Variants in CFAP276 observed in about 807,000 individuals in gnomAD.
CFAP276 encodes cilia and flagella associated protein 276, also known as cilia- and flagella-associated protein 276.
At chr1:109,108,345 G>A in the CFAP276 span, among the ~76,000 whole-genome samples, 3 of 152,136 alleles carry the variant, frequency 2.0e-5, no homozygotes, top group African/African-American at 7.2e-5. Flanking sequence ...GTTTCACCAT[G>A]TTGGCCAGGC....
chr1:109,112,742 TGGCATAAGATCCC>T, the CFAP276 span: 49 of 1,537,664 alleles, frequency 3.2e-5, no homozygotes, highest in Non-Finnish European at 4.2e-5. Context: ...ACAGCCTCAC[TGGCATAAGATCCC>T]GGGTCCCAAT....
chr1:109,106,586 G>A, the CFAP276 span: 1 of 1,614,048 alleles, frequency 6.2e-7, no homozygotes. Flanking sequence ...TTGATCCAGT[G>A]TCTGATGTTA....
chr1:109,107,875 AG>A, the CFAP276 span: 11 of 1,444,808 alleles, frequency 7.6e-6, no homozygotes, highest in Admixed American at 4.1e-5. Context: ...AAAAAAAAAA[AG>A]CCCTAAACGG....
At chr1:109,110,375 C>T in the CFAP276 span, among the ~76,000 whole-genome samples, 1 of 152,142 alleles carries the variant, frequency 6.6e-6, no homozygotes, top group Non-Finnish European at 1.5e-5. Flanking sequence ...CCTCAAGCAC[C>T]CCCTAAAACT....
At chr1:109,106,677 G>A in the CFAP276 span, 5 of 1,611,746 alleles carry the variant, frequency 3.1e-6, no homozygotes, top group Non-Finnish European at 4.2e-6. Flanking sequence ...AAGGCATAGG[G>A]AAGAAAAGTG....
At chr1:109,108,437 C>T in the CFAP276 span, among the ~76,000 whole-genome samples, 3 of 152,182 alleles carry the variant, frequency 2.0e-5, no homozygotes, top group Non-Finnish European at 2.9e-5. Context: ...GCCATCATGC[C>T]CGGCCCCATC....
chr1:109,113,720 A>T, the CFAP276 span: 1 of 1,610,696 alleles, frequency 6.2e-7, no homozygotes, highest in Non-Finnish European at 8.5e-7. Flanking sequence ...AACATCGGAG[A>T]TGCTCATAAA....
the CFAP276 span, among the ~76,000 whole-genome samples, chr1:109,109,772 G>A: frequency 6.6e-6 from 1 of 151,922 alleles, no homozygotes; most frequent in African/African-American, 2.4e-5. Flanking sequence ...CCTGACCTCA[G>A]GTGATCCACC....
the CFAP276 span, chr1:109,107,204 C>T: frequency 3.9e-5 from 41 of 1,050,952 alleles, no homozygotes; most frequent in Admixed American, 2.6e-4. Flanking sequence ...TCTACTCTTC[C>T]CCAAAAGTAT....
chr1:109,112,635 G>T, the CFAP276 span: 13 of 1,550,494 alleles, frequency 8.4e-6, no homozygotes, highest in Non-Finnish European at 1.1e-5. Context: ...AGGAATCATC[G>T]TTATCTAATG....
At chr1:109,106,385 G>A in the CFAP276 span, 1 of 1,047,706 alleles carries the variant, frequency 9.5e-7, no homozygotes, top group Non-Finnish European at 1.4e-6. Context: ...GTATTAATCT[G>A]GTACTTGCCA....
chr1:109,113,467 AGG>A, the CFAP276 span, among the ~76,000 whole-genome samples: 9 of 126,404 alleles, frequency 7.1e-5, 1 homozygote, highest in African/African-American at 2.3e-4. Context: ...AGAGAGAGAG[AGG>A]CCCACGTGCG....
At chr1:109,111,206 C>T in the CFAP276 span, among the ~76,000 whole-genome samples, 16 of 152,306 alleles carry the variant, frequency 1.1e-4, no homozygotes, top group South Asian at 2.9e-3. Flanking sequence ...ATGGCTCATG[C>T]CTGTAATCTC....
chr1:109,112,389 T>C, the CFAP276 span, among the ~76,000 whole-genome samples: 1 of 152,236 alleles, frequency 6.6e-6, no homozygotes, highest in East Asian at 1.9e-4. Context: ...TCCTCTAGAC[T>C]AGAACTCTAC....
At chr1:109,113,416 AAGAGAGAGAGAGAGAG>A in the CFAP276 span, among the ~76,000 whole-genome samples, 1,656 of 68,070 alleles carry the variant, frequency 0.024, 54 homozygotes, top group Middle Eastern at 0.075. Flanking sequence ...GAGAGAGAGA[AAGAGAGAGAGAGAGAG>A]AGAGAGAGAG....
the CFAP276 span, among the ~76,000 whole-genome samples, chr1:109,110,719 C>G: frequency 6.6e-6 from 1 of 152,238 alleles, no homozygotes; most frequent in African/African-American, 2.4e-5. Context: ...TACGGATACA[C>G]AGCTCAGTCA....
chr1:109,107,417 T>A, the CFAP276 span, among the ~76,000 whole-genome samples: 3 of 152,166 alleles, frequency 2.0e-5, no homozygotes, highest in African/African-American at 7.2e-5. Context: ...TTGTTTTAGT[T>A]AGAGAATGAG....
chr1:109,111,174 T>C, the CFAP276 span, among the ~76,000 whole-genome samples: 2 of 152,138 alleles, frequency 1.3e-5, no homozygotes, highest in Non-Finnish European at 2.9e-5. Flanking sequence ...GTACTTAAAA[T>C]CCTGCTATGG....
At chr1:109,110,518 C>A in the CFAP276 span, among the ~76,000 whole-genome samples, 1 of 152,156 alleles carries the variant, frequency 6.6e-6, no homozygotes, top group Non-Finnish European at 1.5e-5. Context: ...GCTCTGTGGG[C>A]CCAGCTCCTC....
Sources: gnomAD v4.1 joint callset for allele counts (sites outside exome capture counted in the v4.1 genomes callset) on GRCh38, gnomAD v4.1.1 for gene constraint, MANE v1.5 for transcripts, NCBI Gene and HGNC (gene_info 2026-07-23, HGNC 2026-07-21) for gene names.